Variants in GRIK2 observed in about 807,000 individuals in gnomAD.
GRIK2 encodes glutamate receptor ionotropic, kainate 2.
Under a neutral mutation model 100.3 loss-of-function variants are expected in GRIK2, and 32 were observed. The ratio of observed to expected loss-of-function variants is 0.32; its 90% CI spans 0.24 to 0.43. The LOEUF (loss-of-function observed/expected upper bound fraction) is 0.43, where lower values mean the gene tolerates loss of function less well. Ranked by LOEUF, GRIK2 falls within the 20% of genes least tolerant of loss-of-function variation. GRIK2 has a pLI of 1.00. For missense variants in GRIK2, 843 were observed against 1,114.9 expected, an observed-to-expected ratio of 0.76 and a Z score of 3.47; for synonymous variants, 417 against 389.4, an observed-to-expected ratio of 1.07 and a Z score of -0.83.
At chr6:102,046,153 A>T (rs1382541350) in intron 15 of GRIK2, among the ~76,000 whole-genome samples, 5 of 152,148 alleles carry the variant, frequency 3.3e-5, no homozygotes, top group African/African-American at 9.6e-5. Flanking sequence ...TTGTAAATAT[A>T]TATGCACCAA....
At chr6:101,640,393 C>G (rs1781228887) in intron 4 of GRIK2, among the ~76,000 whole-genome samples, 1 of 152,154 alleles carries the variant, frequency 6.6e-6, no homozygotes. Flanking sequence ...TTGTTCACTT[C>G]CAGGTGGATG....
chr6:101,561,449 A>C (rs1204184753), intron 2 of GRIK2, among the ~76,000 whole-genome samples: 1 of 152,134 alleles, frequency 6.6e-6, no homozygotes, highest in African/African-American at 2.4e-5. Flanking sequence ...AGAAGGAATA[A>C]GTTCCAGTAT....
At chr6:101,652,276 G>T (rs1781835838) in intron 4 of GRIK2, among the ~76,000 whole-genome samples, 1 of 152,114 alleles carries the variant, frequency 6.6e-6, no homozygotes, top group Non-Finnish European at 1.5e-5. Flanking sequence ...GAGCCCTCAT[G>T]AATGGAATTA....
At position 101,725,516 on chromosome 6, in the gene GRIK2, A is replaced by G. The variant is rs370610515; in HGVS notation, c.951+39163A>G. Among the ~76,000 whole-genome samples the G allele has an allele frequency of 2.0e-5, 3 of 152,150 alleles. No individual in the cohort carries two copies. The East Asian group carries it at 5.8e-4, about 29-fold the overall frequency. On this transcript the variant is annotated intron_variant, in intron 7 of 16. Transcript: ENST00000369134. ...TTGCCTTGTATATCTGTGGGACAATAGACACATTGATTTAGTATTTTTCAC... is the reference window on the plus strand; with the variant it reads ...TTGCCTTGTATATCTGTGGGACAATGGACACATTGATTTAGTATTTTTCAC...
At position 101,464,497 on chromosome 6, in the gene GRIK2, CTTTT is replaced by C. The variant is rs71028069; in HGVS notation, c.115+65140_115+65143del. On this transcript the variant is annotated intron_variant, in intron 2 of 16. Coordinates refer to ENST00000369134, the MANE Select transcript of GRIK2 (RefSeq NM_021956.5). ...TAATTTTTACCTTTTCTTTTTCTTT[CTTTT>C]TTTTTTTTTTTTTTTTTTTTTTTTT... Among the ~76,000 whole-genome samples, 366 of 61,994 alleles carry C rather than the reference CTTTT, an allele frequency of 5.9e-3. 28 individuals are homozygous for C. The highest frequency in any genetic ancestry group is 0.015 in the Middle Eastern group (1 of 68). The allele number at this position is 61,994 out of a possible 152,430, so 40.7% of individuals were successfully genotyped here.
chr6:102,064,263 T>G (rs1437585042), intron 16 of GRIK2, among the ~76,000 whole-genome samples: 1 of 150,088 alleles, frequency 6.7e-6, no homozygotes, highest in Non-Finnish European at 1.5e-5. Context: ...CTCCTTCTCC[T>G]CCCTCTCCTT....
At chr6:102,028,593 T>G (rs1769823968) in intron 14 of GRIK2, among the ~76,000 whole-genome samples, 1 of 151,284 alleles carries the variant, frequency 6.6e-6, no homozygotes, top group Non-Finnish European at 1.5e-5. Flanking sequence ...TAAAAATGCA[T>G]TTTTCTTACA....
intron 2 of GRIK2, among the ~76,000 whole-genome samples, chr6:101,568,079 T>A (rs1777365258): frequency 6.6e-6 from 1 of 152,042 alleles, no homozygotes; most frequent in Non-Finnish European, 1.5e-5. Flanking sequence ...ATATGTTGTT[T>A]ATCTTAGTAA....
intron 14 of GRIK2, among the ~76,000 whole-genome samples, chr6:101,943,173 C>T (rs1396218803): frequency 6.6e-6 from 1 of 152,182 alleles, no homozygotes; most frequent in Non-Finnish European, 1.5e-5. Flanking sequence ...GTGCAAGCCC[C>T]AAACCTTGGC....
intron 16 of GRIK2, chr6:102,066,034 T>G: frequency 1.9e-6 from 1 of 524,160 alleles, no homozygotes; most frequent in Non-Finnish European, 3.1e-6. Context: ...CTGCATAATT[T>G]AACACATAAT....
chr6:101,642,823 A>G (rs916784164), intron 4 of GRIK2, among the ~76,000 whole-genome samples: 1 of 151,644 alleles, frequency 6.6e-6, no homozygotes, highest in African/African-American at 2.4e-5. Context: ...ACTGTTTTCC[A>G]TAATGGATAT....
intron 11 of GRIK2, among the ~76,000 whole-genome samples, chr6:101,861,884 G>A (rs1784754634): frequency 6.6e-6 from 1 of 152,066 alleles, no homozygotes; most frequent in Admixed American, 6.6e-5. Context: ...GGACCCTTCA[G>A]AATGAAAACT....
chr6:101,556,545 A>G (rs1378202105), intron 2 of GRIK2, among the ~76,000 whole-genome samples: 3 of 151,918 alleles, frequency 2.0e-5, no homozygotes, highest in East Asian at 1.9e-4. Flanking sequence ...GTTCAATTAT[A>G]GAAGAAACAT....
chr6:101,726,350 C>G (rs756995429), intron 7 of GRIK2, among the ~76,000 whole-genome samples: 1 of 151,910 alleles, frequency 6.6e-6, no homozygotes, highest in Non-Finnish European at 1.5e-5. Context: ...ATGAAAGGTA[C>G]TAAAATGAAT....
At chr6:101,942,860 A>T (rs908929335) in intron 14 of GRIK2, among the ~76,000 whole-genome samples, 12 of 152,218 alleles carry the variant, frequency 7.9e-5, no homozygotes, top group African/African-American at 2.9e-4. Context: ...GAAAAGAAAA[A>T]TTCATTTTCT....
At chr6:101,902,823 G>T (rs5021084) in intron 12 of GRIK2, among the ~76,000 whole-genome samples, 130,275 of 151,782 alleles carry the variant, frequency 0.86, 56,907 homozygotes, top group East Asian at 0.94. Flanking sequence ...TTACCTGAAA[G>T]TTCAGTAATA....
chr6:102,001,237 G>T (rs1051078637), intron 14 of GRIK2, among the ~76,000 whole-genome samples: 3 of 148,426 alleles, frequency 2.0e-5, no homozygotes, highest in Non-Finnish European at 4.4e-5. Flanking sequence ...TGTGCAGAAC[G>T]TGCATGTTTG....
At chr6:101,715,055 C>T (rs897983912) in intron 7 of GRIK2, among the ~76,000 whole-genome samples, 5 of 151,074 alleles carry the variant, frequency 3.3e-5, no homozygotes, top group African/African-American at 1.2e-4. Context: ...GAAAAGGAAC[C>T]ATATAAAATA....
At chr6:101,906,955 A>G (rs1347973557) in intron 12 of GRIK2, among the ~76,000 whole-genome samples, 4 of 151,790 alleles carry the variant, frequency 2.6e-5, no homozygotes, top group African/African-American at 4.8e-5. Context: ...TACAAAGGCA[A>G]GAAGCATTTT....
Sources: allele counts gnomAD v4.1 joint callset (sites outside exome capture counted in the v4.1 genomes callset), GRCh38; gene constraint gnomAD v4.1.1; transcripts MANE v1.5; gene names NCBI Gene and HGNC (gene_info 2026-07-23, HGNC 2026-07-21).